Variants in SLC30A8 observed in about 807,000 individuals in gnomAD.
SLC30A8 encodes the protein solute carrier family 30 member 8.
Under a neutral mutation model 36.9 loss-of-function variants are expected in SLC30A8, and 27 were observed. The ratio of observed to expected loss-of-function variants is 0.73; its 90% CI spans 0.54 to 1.01. The LOEUF (loss-of-function observed/expected upper bound fraction) is 1.01, where lower values mean the gene tolerates loss of function less well. SLC30A8 is among the 50% of genes least tolerant of loss of function. The pLI, the probability that SLC30A8 is intolerant of heterozygous loss-of-function variation, is 0.00. For synonymous variants in SLC30A8, 164 were observed against 172.4 expected, an observed-to-expected ratio of 0.95 and a Z score of 0.38; for missense variants, 439 against 452.0, an observed-to-expected ratio of 0.97 and a Z score of 0.26.
chr8:117,107,614 A>G lies in SLC30A8; in HGVS notation c.-225-27666A>G, dbSNP rs13255902. Reference sequence around the variant, plus strand: ...TTTGGGGCCAGACATCCAATCTGCTACCTGTGATTGACAAGATGATCCAAG... The same window carrying G: ...TTTGGGGCCAGACATCCAATCTGCTGCCTGTGATTGACAAGATGATCCAAG... On this transcript the variant is annotated intron_variant, in intron 2 of 10. Transcript: ENST00000427715. 7.7e-3 allele frequency among the ~76,000 whole-genome samples: 1,167 copies of G among 152,248 alleles called. 4 individuals are homozygous for G. The highest frequency in any genetic ancestry group is 0.017 in the Middle Eastern group (5 of 294).
intron 1 of SLC30A8, among the ~76,000 whole-genome samples, chr8:116,957,055 C>A (rs1323818882): frequency 6.6e-6 from 1 of 152,098 alleles, no homozygotes; most frequent in Non-Finnish European, 1.5e-5. Context: ...ATCTGTACAG[C>A]ATAATTAAGA....
At chr8:117,171,000 A>G in intron 6 of SLC30A8, 34 bp from the exon 7 acceptor site, 1 of 1,538,220 alleles carries the variant, frequency 6.5e-7, no homozygotes, top group Non-Finnish European at 8.7e-7. Context: ...ATCTAGTTGA[A>G]TAACTACAGC....
intron 1 of SLC30A8, among the ~76,000 whole-genome samples, chr8:116,991,910 C>A (rs1278735524): frequency 6.6e-6 from 1 of 152,160 alleles, no homozygotes; most frequent in African/African-American, 2.4e-5. Flanking sequence ...TTATCAAGGT[C>A]CATTTAATTT....
intron 1 of SLC30A8, among the ~76,000 whole-genome samples, chr8:117,032,723 C>T (rs1317114127): frequency 6.6e-6 from 1 of 152,032 alleles, no homozygotes; most frequent in African/African-American, 2.4e-5. Context: ...AACCCCGTCT[C>T]TAGTAAAAGT....
In SLC30A8 at chr8:117,066,419, A is replaced by T. The variant is rs572168401; in HGVS notation, c.-226+27161A>T. ...CTTTCTTGGAGTCAGGGCCCTGGTGATCCAGGTGCTGCTTGCCTGCTGTTA... is the reference window on the plus strand; with the variant it reads ...CTTTCTTGGAGTCAGGGCCCTGGTGTTCCAGGTGCTGCTTGCCTGCTGTTA... On this transcript the variant is annotated intron_variant, in intron 2 of 10. Coordinates refer to the SLC30A8 transcript ENST00000427715. Among the ~76,000 whole-genome samples, 3 of 152,268 alleles carry T rather than the reference A, an allele frequency of 2.0e-5. No homozygotes were observed. In the South Asian group the frequency reaches 6.2e-4, roughly 32 times the overall value.
At chr8:116,995,175 C>T (rs981991585) in intron 1 of SLC30A8, among the ~76,000 whole-genome samples, 1 of 152,022 alleles carries the variant, frequency 6.6e-6, no homozygotes, top group Non-Finnish European at 1.5e-5. Flanking sequence ...TTCTGCTGTA[C>T]CCTGAGATGG....
In SLC30A8 at chr8:117,049,298, A is replaced by G. The variant is rs116786841; in HGVS notation, c.-226+10040A>G. On this transcript the variant is annotated intron_variant, in intron 2 of 10. Transcript: ENST00000427715. Reference sequence around the variant, plus strand: ...CACATGCCAACCACTGGCAACTTATATAATTCTCCCAATAACCCTATGAAT... The same window carrying G: ...CACATGCCAACCACTGGCAACTTATGTAATTCTCCCAATAACCCTATGAAT... Among the ~76,000 whole-genome samples, 1,117 of 152,332 alleles carry G rather than the reference A, an allele frequency of 7.3e-3. 10 individuals are homozygous for G. The highest frequency in any genetic ancestry group is 0.026 in the African/African-American group (1,061 of 41,564).
At chr8:117,165,571 A>G (rs943785540) in intron 6 of SLC30A8, among the ~76,000 whole-genome samples, 1 of 152,170 alleles carries the variant, frequency 6.6e-6, no homozygotes, top group Non-Finnish European at 1.5e-5. Flanking sequence ...TCCCATTGAC[A>G]TTATCTTGGA....
At chr8:117,000,773 A>G (rs1815983211) in intron 1 of SLC30A8, among the ~76,000 whole-genome samples, 1 of 152,160 alleles carries the variant, frequency 6.6e-6, no homozygotes, top group Admixed American at 6.6e-5. Context: ...CCTGGGTTCA[A>G]ATCTTGACGT....
intron 1 of SLC30A8, among the ~76,000 whole-genome samples, chr8:117,019,378 T>C (rs980532333): frequency 1.3e-5 from 2 of 152,082 alleles, no homozygotes; most frequent in Non-Finnish European, 1.5e-5. Context: ...AAAGGCAGTT[T>C]CTAATTTTGA....
intron 1 of SLC30A8, among the ~76,000 whole-genome samples, chr8:117,013,785 C>T (rs1816423108): frequency 6.6e-6 from 1 of 151,964 alleles, no homozygotes; most frequent in Admixed American, 6.6e-5. Flanking sequence ...CTTTGCTTTC[C>T]TATTTAACTT....
intron 2 of SLC30A8, among the ~76,000 whole-genome samples, chr8:117,109,755 C>G (rs1234614676): frequency 6.6e-6 from 1 of 152,160 alleles, no homozygotes; most frequent in East Asian, 1.9e-4. Flanking sequence ...GACTCGTAGG[C>G]TTTTCAACTT....
At chr8:117,023,218 A>G (rs1004992489) in intron 1 of SLC30A8, among the ~76,000 whole-genome samples, 124 of 152,312 alleles carry the variant, frequency 8.1e-4, no homozygotes, top group Middle Eastern at 3.4e-3. Context: ...AAGTCAGGAA[A>G]CAACAGGTGC....
chr8:117,084,450 T>C (rs1818792332), intron 2 of SLC30A8, among the ~76,000 whole-genome samples: 1 of 152,160 alleles, frequency 6.6e-6, no homozygotes, highest in Non-Finnish European at 1.5e-5. Context: ...GGAAAAACTT[T>C]CAGTTTTATT....
At chr8:116,996,953 G>A (rs1815840824) in intron 1 of SLC30A8, among the ~76,000 whole-genome samples, 1 of 151,948 alleles carries the variant, frequency 6.6e-6, no homozygotes, top group African/African-American at 2.4e-5. Context: ...ATAGAGACTT[G>A]GAGTGCTTCA....
At chr8:117,132,240 A>G (rs988801792), upstream of SLC30A8, among the ~76,000 whole-genome samples, 9 of 152,050 alleles carry the variant, frequency 5.9e-5, no homozygotes, top group African/African-American at 2.2e-4. Flanking sequence ...TGTCCTTTCT[A>G]CAAGTGAAAT....
At chr8:117,172,313 C>T (rs557694344) in intron 7 of SLC30A8, among the ~76,000 whole-genome samples, 1 of 152,126 alleles carries the variant, frequency 6.6e-6, no homozygotes, top group Non-Finnish European at 1.5e-5. Flanking sequence ...TAACAGTGGA[C>T]AGAAAGAGTT....
chr8:117,166,940 C>T (rs1041264249), intron 6 of SLC30A8, among the ~76,000 whole-genome samples: 1 of 151,668 alleles, frequency 6.6e-6, no homozygotes, highest in Non-Finnish European at 1.5e-5. Flanking sequence ...GTGTTGACAA[C>T]AGTGAAATGG....
At chr8:117,026,162 G>A (rs1473471946) in intron 1 of SLC30A8, among the ~76,000 whole-genome samples, 1 of 152,126 alleles carries the variant, frequency 6.6e-6, no homozygotes. Flanking sequence ...TGACTTTGGT[G>A]TGCTTCAGTT....
Sources: allele counts gnomAD v4.1 joint callset (sites outside exome capture counted in the v4.1 genomes callset), GRCh38; gene constraint gnomAD v4.1.1; transcripts MANE v1.5; gene names NCBI Gene and HGNC (gene_info 2026-07-23, HGNC 2026-07-21).